The following GNE variants were observed in gnomAD, a reference collection of about 807,000 sequenced individuals.
GNE encodes the protein bifunctional UDP-N-acetylglucosamine 2-epimerase/N-acetylmannosamine kinase.
Under a neutral mutation model 61.8 loss-of-function variants are expected in GNE, and 41 were observed. That is an observed-to-expected ratio of 0.66 (90% CI 0.52 to 0.86). The LOEUF (loss-of-function observed/expected upper bound fraction) is 0.86. Ranked by LOEUF, GNE falls within the 40% of genes least tolerant of loss-of-function variation. GNE has a pLI of 0.00. For synonymous variants in GNE, 264 were observed against 326.4 expected, an observed-to-expected ratio of 0.81 and a Z score of 2.06; for missense variants, 608 against 909.1, an observed-to-expected ratio of 0.67 and a Z score of 4.26.
chr9:36,249,832 T>C (rs1458594547), intron 1 of GNE, among the ~76,000 whole-genome samples: 4 of 150,746 alleles, frequency 2.7e-5, no homozygotes, highest in Non-Finnish European at 4.4e-5. Context: ...TGCAGTGAGC[T>C]GAGATCGCAC....
intron 3 of GNE, 104 bp from the exon 4 acceptor site, chr9:36,237,088 T>C: frequency 3.4e-6 from 3 of 894,242 alleles, no homozygotes; most frequent in South Asian, 1.4e-5. Flanking sequence ...TTTTAAAAAT[T>C]CTACGATAGA....
chr9:36,255,419 C>A (rs2133151539), intron 1 of GNE, among the ~76,000 whole-genome samples: 1 of 152,230 alleles, frequency 6.6e-6, no homozygotes, highest in Admixed American at 6.5e-5. Context: ...CTAAACCAGG[C>A]TGTTCTCGAA....
At chr9:36,275,684 C>G (rs1831235432) in intron 1 of GNE, among the ~76,000 whole-genome samples, 1 of 151,996 alleles carries the variant, frequency 6.6e-6, no homozygotes, top group Admixed American at 6.6e-5. Context: ...TTATTGATGA[C>G]ACGAGGAAAA....
chr9:36,253,972 G>A (rs1830223400), intron 1 of GNE, among the ~76,000 whole-genome samples: 1 of 152,016 alleles, frequency 6.6e-6, no homozygotes, highest in Non-Finnish European at 1.5e-5. Flanking sequence ...GGGAGGCGGA[G>A]GTTGCAGTGA....
In GNE at chr9:36,218,062, C is replaced by T; in HGVS notation, c.1933+121G>A. On this transcript the variant is annotated intron_variant, in intron 11 of 11. Transcript: ENST00000642385. The surrounding 1 kb of genome is among the most constrained non-coding windows in gnomAD (Gnocchi z 4.1). Reference sequence around the variant, plus strand: ...CTCTGAGTAATTAGGAAAGAAACCTCTGAACAGACACTGCAAAGCACCTGT... The same window carrying T: ...CTCTGAGTAATTAGGAAAGAAACCTTTGAACAGACACTGCAAAGCACCTGT... The T allele has an allele frequency of 1.3e-6, 1 of 787,490 alleles. No homozygotes were observed. The highest frequency in any genetic ancestry group is 2.3e-6 in the Non-Finnish European group (1 of 431,946). 48.8% of individuals were successfully genotyped at this position (787,490 alleles called of 1,614,324 possible).
intron 11 of GNE, 27 bp from the exon 12 acceptor site, chr9:36,217,627 G>C (rs1474280438): frequency 6.8e-7 from 1 of 1,461,404 alleles, no homozygotes; most frequent in East Asian, 2.3e-5. Context: ...ATTAAAATGA[G>C]TTTCTGAGAG....
intron 3 of GNE, among the ~76,000 whole-genome samples, chr9:36,237,958 A>G (rs1829465237): frequency 6.6e-6 from 1 of 152,170 alleles, no homozygotes; most frequent in Non-Finnish European, 1.5e-5. Flanking sequence ...AATAGTGTCC[A>G]GTCTCATCTA....
At chr9:36,258,195 G>A in intron 1 of GNE, 126 bp downstream of exon 1, 1 of 387,066 alleles carries the variant, frequency 2.6e-6, no homozygotes, top group Non-Finnish European at 3.5e-6. Flanking sequence ...TCCAGTGTGG[G>A]CCTCGGGGCG....
At chr9:36,264,651 A>T (rs906351845) in intron 1 of GNE, among the ~76,000 whole-genome samples, 7 of 152,272 alleles carry the variant, frequency 4.6e-5, no homozygotes, top group African/African-American at 1.7e-4. Flanking sequence ...TGGATTTCCT[A>T]GGCCGACTAA....
chr9:36,263,902 T>C (rs1254092122), intron 1 of GNE, among the ~76,000 whole-genome samples: 2 of 152,168 alleles, frequency 1.3e-5, no homozygotes, highest in African/African-American at 4.8e-5. Flanking sequence ...CTAATGTGCA[T>C]GTTAAAGTAG....
At chr9:36,225,950 T>G in intron 7 of GNE, among the ~76,000 whole-genome samples, 1 of 152,156 alleles carries the variant, frequency 6.6e-6, no homozygotes, top group East Asian at 1.9e-4. Flanking sequence ...TTTTTGTCTA[T>G]TAATAATGTT....
intron 1 of GNE, among the ~76,000 whole-genome samples, chr9:36,267,468 AGGTGGAT>A: frequency 6.6e-6 from 1 of 151,962 alleles, no homozygotes; most frequent in Middle Eastern, 3.4e-3. Flanking sequence ...AGGCCGAGGC[AGGTGGAT>A]CACCTGAGGT....
intron 3 of GNE, among the ~76,000 whole-genome samples, chr9:36,241,361 C>T (rs777101947): frequency 1.2e-4 from 19 of 152,154 alleles, no homozygotes; most frequent in Non-Finnish European, 2.2e-4. Flanking sequence ...GTGATCTGCC[C>T]GCCTCGGCCT....
chr9:36,276,448 G>A (rs536098874), intron 1 of GNE, among the ~76,000 whole-genome samples: 2 of 152,248 alleles, frequency 1.3e-5, no homozygotes, highest in African/African-American at 4.8e-5. Flanking sequence ...CCCCAATCAT[G>A]TGATCAGTCA....
At position 36,272,705 on chromosome 9, in the gene GNE, GAAT is replaced by G. The variant is rs1831079759; in HGVS notation, c.51+4186_51+4188del. On this transcript the variant is annotated intron_variant, in intron 1 of 11. Transcript: ENST00000396594. ...GACTGGAAGAAGGGAAACCAGTTAGGAATAATATTTCAGGACCTCAACTAAAGT... is the reference window on the plus strand; with the variant it reads ...GACTGGAAGAAGGGAAACCAGTTAGGAATATTTCAGGACCTCAACTAAAGT... 2.7e-5 allele frequency among the ~76,000 whole-genome samples: 4 copies of G among 150,700 alleles called. No homozygotes were observed. The South Asian group carries it at 6.3e-4, about 24-fold the overall frequency.
At chr9:36,270,545 T>TCTCG (rs1357921698) in intron 1 of GNE, among the ~76,000 whole-genome samples, 1 of 137,456 alleles carries the variant, frequency 7.3e-6, no homozygotes, top group Non-Finnish European at 1.5e-5. Context: ...TGAGACGGAG[T>TCTCG]CTCGCTCTTT....
In GNE at chr9:36,246,435, C is replaced by T. The variant is rs751870439; in HGVS notation, c.212G>A (p.Arg71Lys). Reference sequence around the variant, plus strand: ...TTCTCCCCTCACAATTGTGTGTAGCCTGGTGTTAATGTCAAAGTCATCTTG... The same window carrying T: ...TTCTCCCCTCACAATTGTGTGTAGCTTGGTGTTAATGTCAAAGTCATCTTG... ...IEQDDFDINT[R>K]LHTIVRGEDE... Residue 71 changes from arginine (R) to lysine (K), a missense_variant, in exon 3 of 12, where the codon AGG (arginine) becomes AAG (lysine). Arg to Lys is a conservative substitution (Grantham distance 26). Coordinates refer to ENST00000642385, the MANE Select transcript of GNE (RefSeq NM_005476.7). The T allele has an allele frequency of 6.2e-7, 1 of 1,613,904 alleles. No individual in the cohort carries two copies.
At chr9:36,266,548 T>C (rs900055621) in intron 1 of GNE, among the ~76,000 whole-genome samples, 1 of 150,688 alleles carries the variant, frequency 6.6e-6, no homozygotes, top group African/African-American at 2.4e-5. Flanking sequence ...CCGAGGCAGG[T>C]GGATCACCTG....
chr9:36,263,528 T>G (rs182897975), intron 1 of GNE: 1 of 153,632 alleles, frequency 6.5e-6, no homozygotes, highest in Non-Finnish European at 1.5e-5. Flanking sequence ...TCTTCTATTA[T>G]CCAGCCCACA....
Sources: gnomAD v4.1 joint callset for allele counts (sites outside exome capture counted in the v4.1 genomes callset) on GRCh38, gnomAD v4.1.1 for gene constraint, Gnocchi (gnomAD v3.1) non-coding constraint, MANE v1.5 for transcripts, NCBI Gene and HGNC (gene_info 2026-07-23, HGNC 2026-07-21) for gene names.